Variants in LMF1 observed in about 807,000 individuals in gnomAD.
LMF1 encodes transmembrane protein 112.
A neutral mutation model predicts 60.6 loss-of-function variants in LMF1; 68 were observed. The observed-to-expected ratio is 1.12, with a 90% CI of 0.92 to 1.37. The LOEUF (loss-of-function observed/expected upper bound fraction) is 1.37. Among genes scored for constraint, LMF1 ranks in the 40% most tolerant of loss-of-function variants. The probability of loss-of-function intolerance (pLI) is 0.00; values close to 1 mark genes in which losing one functional copy is unlikely to be tolerated. For missense variants in LMF1, 948 were observed against 767.2 expected (o/e 1.24, Z -2.78); for synonymous variants, 418 against 324.7 (o/e 1.29, Z -3.09).
At chr16:876,238 C>T (rs1038773928) in intron 6 of LMF1, among the ~76,000 whole-genome samples, 18 of 152,348 alleles carry the variant, frequency 1.2e-4, no homozygotes, top group Middle Eastern at 3.4e-3. Context: ...CACGCGCGGC[C>T]GCGGAGGGCA....
At chr16:945,020 C>A (rs541939965) in intron 2 of LMF1, among the ~76,000 whole-genome samples, 1 of 151,592 alleles carries the variant, frequency 6.6e-6, no homozygotes, top group South Asian at 2.1e-4. Flanking sequence ...TCGAGACCAG[C>A]CTGACCATGG....
At chr16:925,181 GC>G (rs2071559807) in intron 3 of LMF1, among the ~76,000 whole-genome samples, 1 of 152,214 alleles carries the variant, frequency 6.6e-6, no homozygotes, top group Non-Finnish European at 1.5e-5. Flanking sequence ...AAGAGCAGAT[GC>G]CACCAAACAT....
intron 1 of LMF1, among the ~76,000 whole-genome samples, chr16:977,425 C>T (rs117918235): frequency 6.6e-6 from 1 of 152,182 alleles, no homozygotes; most frequent in African/African-American, 2.4e-5. Context: ...TCACAGCCTG[C>T]GCCGGCCCAG....
intron 2 of LMF1, among the ~76,000 whole-genome samples, chr16:938,902 A>G (rs931301878): frequency 1.3e-5 from 2 of 152,356 alleles, no homozygotes; most frequent in East Asian, 1.9e-4. Context: ...CAAAGCACCT[A>G]AGGCAGCAAT....
chr16:970,075 G>A (rs2073009127), intron 1 of LMF1, among the ~76,000 whole-genome samples: 1 of 152,228 alleles, frequency 6.6e-6, no homozygotes, highest in Non-Finnish European at 1.5e-5. Context: ...GTGAGGCGCA[G>A]GCTTCACTTG....
chr16:929,064 C>T (rs539968082), intron 3 of LMF1, among the ~76,000 whole-genome samples: 33 of 152,238 alleles, frequency 2.2e-4, no homozygotes, highest in African/African-American at 7.7e-4. Context: ...AACCCCTCAC[C>T]ACGAGTGTCT....
rs187375452 is a variant in LMF1 at position 871,050 on chromosome 16, G to A, written c.1078+111C>T. Reference sequence around the variant, plus strand: ...CCTGGCACGCTACACTGCGGACGGCGCTGACTCTCCTCCTACCCTGGCGTC... The same window carrying A: ...CCTGGCACGCTACACTGCGGACGGCACTGACTCTCCTCCTACCCTGGCGTC... On this transcript the variant is annotated intron_variant, in intron 7 of 10. Coordinates refer to ENST00000262301, the MANE Select transcript of LMF1 (RefSeq NM_022773.4). 263 of 1,398,330 alleles carry A rather than the reference G, an allele frequency of 1.9e-4. 1 individual carries two copies. The East Asian group carries it at 4.4e-3, about 23-fold the overall frequency. 86.6% of individuals were successfully genotyped at this position (1,398,330 alleles called of 1,614,324 possible). A position where few individuals can be genotyped will look rare whatever the true frequency, so the allele number is the denominator to read the frequency against.
In LMF1 at chr16:953,405, C is replaced by T. The variant is rs201663294; in HGVS notation, c.503+952G>A. ...CCTACACGTCCACACAGACACCCAC[C>T]CCAAACCAGCCTCCTACACGTTCAC... On this transcript the variant is annotated intron_variant, in intron 2 of 10. Coordinates refer to ENST00000262301, the MANE Select transcript of LMF1 (RefSeq NM_022773.4). 1.3e-3 allele frequency among the ~76,000 whole-genome samples: 84 copies of T among 62,964 alleles called. 3 individuals carry two copies. The highest frequency in any genetic ancestry group is 2.4e-3 in the Non-Finnish European group (66 of 28,002). The allele number at this position is 62,964 out of a possible 152,430, so 41.3% of individuals were successfully genotyped here.
chr16:890,249 C>T (rs749990041), intron 5 of LMF1, among the ~76,000 whole-genome samples: 41 of 152,240 alleles, frequency 2.7e-4, no homozygotes, highest in Non-Finnish European at 5.1e-4. Flanking sequence ...GCTCTGAACG[C>T]TCGCTACTCC....
intron 1 of LMF1, among the ~76,000 whole-genome samples, chr16:957,609 A>G (rs1180491840): frequency 1.3e-5 from 2 of 149,080 alleles, no homozygotes; most frequent in Admixed American, 1.3e-4. Flanking sequence ...GGGAGAGCAA[A>G]GGGATTAAAA....
chr16:950,586 C>A (rs2072425284), intron 2 of LMF1, among the ~76,000 whole-genome samples: 1 of 138,330 alleles, frequency 7.2e-6, no homozygotes, highest in Non-Finnish European at 1.5e-5. Flanking sequence ...CAGAGTCAGC[C>A]AATGACAGAG....
At chr16:943,417 T>C (rs909114634) in intron 2 of LMF1, among the ~76,000 whole-genome samples, 2 of 148,588 alleles carry the variant, frequency 1.3e-5, no homozygotes, top group Non-Finnish European at 3.0e-5. Context: ...AAATTTCCCA[T>C]GTGTTCATTC....
chr16:898,099 C>T (rs983813533), intron 4 of LMF1, among the ~76,000 whole-genome samples: 10 of 152,350 alleles, frequency 6.6e-5, no homozygotes, highest in African/African-American at 2.4e-4. Context: ...GTCTCCATGG[C>T]TCCTGATGAA....
Position 919,445 on chromosome 16 carries a change from C to G in LMF1, c.515-8366G>C, listed in dbSNP as rs1036727090. ...CCCACCTTCATCACTGCTGAGCCCC[C>G]CTGGGAAAGCTCATATCTCCAGCGC... On this transcript the variant is annotated intron_variant, in intron 3 of 10. Coordinates refer to ENST00000262301, the MANE Select transcript of LMF1 (RefSeq NM_022773.4). 2.0e-5 allele frequency among the ~76,000 whole-genome samples: 3 copies of G among 152,134 alleles called. No homozygotes were observed. The South Asian group carries it at 6.3e-4, about 32-fold the overall frequency.
intron 5 of LMF1, among the ~76,000 whole-genome samples, chr16:886,200 G>GTTA (rs1198589130): frequency 6.6e-6 from 1 of 152,178 alleles, no homozygotes; most frequent in Non-Finnish European, 1.5e-5. Flanking sequence ...AGCCAGTAAG[G>GTTA]GGCGCATGGA....
intron 1 of LMF1, among the ~76,000 whole-genome samples, chr16:977,379 G>A (rs994413629): frequency 5.9e-5 from 9 of 152,164 alleles, no homozygotes; most frequent in Non-Finnish European, 1.2e-4. Context: ...CTCCCCTGGA[G>A]ACCCGTCCGG....
At chr16:894,582 C>T (rs1050509853) in intron 4 of LMF1, among the ~76,000 whole-genome samples, 4 of 152,186 alleles carry the variant, frequency 2.6e-5, no homozygotes, top group African/African-American at 4.8e-5. Flanking sequence ...AGAGGAAGGA[C>T]GGCCACCAGT....
At chr16:971,682 T>C (rs1423703475), upstream of LMF1, among the ~76,000 whole-genome samples, 1 of 152,132 alleles carries the variant, frequency 6.6e-6, no homozygotes, top group Non-Finnish European at 1.5e-5. Context: ...ACGCCAGCAC[T>C]CTACACTCTG....
At position 955,468 on chromosome 16, in the gene LMF1, CAT is replaced by C. The variant is rs1462011339; in HGVS notation, c.194-804_194-803del. On this transcript the variant is annotated intron_variant, in intron 1 of 10. Coordinates refer to ENST00000262301, the MANE Select transcript of LMF1 (RefSeq NM_022773.4). Reference sequence around the variant, plus strand: ...GTGCCTGCAGCAGACGCGGTGTGTGCATACACACACACACACATCTAAGTAAA... The same window carrying C: ...GTGCCTGCAGCAGACGCGGTGTGTGCACACACACACACACATCTAAGTAAA... Among the ~76,000 whole-genome samples the C allele has an allele frequency of 2.7e-3, 132 of 48,554 alleles. 3 individuals carry two copies. Among genetic ancestry groups the C allele is most frequent in the African/African-American group, 7.6e-3 (39 of 5,130 alleles). The allele number at this position is 48,554 out of a possible 152,430, so 31.9% of individuals were successfully genotyped here.
Sources: gnomAD v4.1 joint callset for allele counts (sites outside exome capture counted in the v4.1 genomes callset) on GRCh38, gnomAD v4.1.1 for gene constraint, MANE v1.5 for transcripts, NCBI Gene and HGNC (gene_info 2026-07-23, HGNC 2026-07-21) for gene names.